The following CTSH variants were observed in gnomAD, a reference collection of about 807,000 sequenced individuals.
CTSH encodes pro-cathepsin H.
A neutral mutation model predicts 56.3 loss-of-function variants in CTSH; 52 were observed. The observed-to-expected ratio is 0.92, with a 90% CI of 0.74 to 1.16. CTSH has a LOEUF of 1.16. Among genes scored for constraint, CTSH ranks in the 50% most tolerant of loss-of-function variants. CTSH has a pLI of 0.00. For synonymous variants in CTSH, 174 were observed against 155.7 expected, an observed-to-expected ratio of 1.12 and a Z score of -0.88; for missense variants, 406 against 424.5, an observed-to-expected ratio of 0.96 and a Z score of 0.38.
At chr15:78,939,242 CT>C in intron 1 of CTSH, 71 bp from the exon 2 acceptor site, 2 of 1,271,388 alleles carry the variant, frequency 1.6e-6, no homozygotes, top group Non-Finnish European at 2.2e-6. Context: ...AAGTAGGGCA[CT>C]TTAGAACTGA....
chr15:78,933,883 C>G (rs1266052807), intron 5 of CTSH, among the ~76,000 whole-genome samples: 1 of 152,256 alleles, frequency 6.6e-6, no homozygotes, highest in East Asian at 1.9e-4. Flanking sequence ...ACATCTGCGT[C>G]AGGAAGCACC....
intron 1 of CTSH, among the ~76,000 whole-genome samples, chr15:78,941,378 C>T (rs1231610174): frequency 5.7e-5 from 7 of 123,278 alleles, no homozygotes; most frequent in South Asian, 5.5e-4. Flanking sequence ...TAGCCAAGAT[C>T]GTGCCACTGC....
intron 5 of CTSH, 107 bp from the exon 6 acceptor site, chr15:78,932,565 G>T: frequency 1.3e-6 from 1 of 795,598 alleles, no homozygotes; most frequent in South Asian, 1.6e-5. Context: ...CGAGTCCCCA[G>T]GTGCCTTGGC....
intron 1 of CTSH, among the ~76,000 whole-genome samples, chr15:78,939,750 G>T (rs1347433847): frequency 6.6e-6 from 1 of 152,206 alleles, no homozygotes; most frequent in African/African-American, 2.4e-5. Context: ...AGCTGGGTAT[G>T]GTGGTGTGTG....
At chr15:78,935,599 C>A in intron 4 of CTSH, 81 bp downstream of exon 4, 1 of 1,243,110 alleles carries the variant, frequency 8.0e-7, no homozygotes, top group Non-Finnish European at 1.2e-6. Flanking sequence ...CTGAATCTGC[C>A]TAGAAGCAGA....
chr15:78,943,640 T>C (rs1477224807), intron 1 of CTSH, among the ~76,000 whole-genome samples: 1 of 152,226 alleles, frequency 6.6e-6, no homozygotes, highest in Non-Finnish European at 1.5e-5. Flanking sequence ...AACTGAAATT[T>C]CAGTGGCCAT....
At chr15:78,938,804 T>C (rs2055229860) in intron 2 of CTSH, among the ~76,000 whole-genome samples, 1 of 150,676 alleles carries the variant, frequency 6.6e-6, no homozygotes, top group Non-Finnish European at 1.5e-5. Context: ...CATATGGTAG[T>C]TTTGTTTTGA....
chr15:78,938,672 A>G (rs1596288584), intron 2 of CTSH, among the ~76,000 whole-genome samples: 1 of 152,202 alleles, frequency 6.6e-6, no homozygotes, highest in African/African-American at 2.4e-5. Context: ...ATAGGCACTT[A>G]GGTTGATTCC....
At chr15:78,923,602 T>C (rs1329502874) in intron 10 of CTSH, among the ~76,000 whole-genome samples, 2 of 152,168 alleles carry the variant, frequency 1.3e-5, no homozygotes, top group South Asian at 2.1e-4. Flanking sequence ...TCAGTTCTTT[T>C]GGTTCTTCTG....
chr15:78,922,322 A>T, intron 11 of CTSH, 117 bp from the exon 12 acceptor site: 1 of 772,082 alleles, frequency 1.3e-6, no homozygotes, highest in Non-Finnish European at 2.2e-6. Context: ...AAATTTATTC[A>T]TAAAACAGTA....
chr15:78,939,425 G>C (rs953654858), intron 1 of CTSH, among the ~76,000 whole-genome samples: 13 of 152,178 alleles, frequency 8.5e-5, no homozygotes, highest in Admixed American at 3.3e-4. Flanking sequence ...ATGCCTACTG[G>C]GTCGGGGTGC....
At chr15:78,938,699 G>A (rs2055227293) in intron 2 of CTSH, among the ~76,000 whole-genome samples, 1 of 152,126 alleles carries the variant, frequency 6.6e-6, no homozygotes, top group African/African-American at 2.4e-5. Flanking sequence ...TGGCTATTGT[G>A]ACTAGTTCTG....
Position 78,939,023 on chromosome 15 carries a change from C to G in CTSH, c.123+117G>C, listed in dbSNP as rs2055233171. On this transcript the variant is annotated intron_variant, in intron 2 of 11. Coordinates refer to ENST00000220166, the MANE Select transcript of CTSH (RefSeq NM_004390.5). The stretch of plus-strand genomic sequence containing the variant: ...GGCCAGTTCAACTTCTGGAAAGACC[C>G]CACTAGGCAAAGTTGGAAATTCCCT... 6.6e-6 allele frequency: 6 copies of G among 908,376 alleles called. No homozygotes were observed. The East Asian group carries it at 1.5e-4, about 23-fold the overall frequency. The allele number at this position is 908,376 out of a possible 1,614,324, so 56.3% of individuals were successfully genotyped here.
At position 78,923,014 on chromosome 15, in the gene CTSH, C is replaced by T; in HGVS notation, c.911G>A (p.Gly304Asp). The change falls in exon 11 of 12, where the codon GGT (glycine) becomes GAT (aspartate). Residue 304 changes from glycine to aspartate, a missense_variant. Gly to Asp is a moderately conservative substitution (Grantham distance 94). Coordinates refer to ENST00000220166, the MANE Select transcript of CTSH (RefSeq NM_004390.5). ...IPYWIVKNSW[G>D]PQWGMNGYFL... ...TTACCCGTTCATTCCCCACTGGGGA[C>T]CCCAAGAGTTTTTCACGATCCAGTA... 6.2e-7 allele frequency: 1 copy of T among 1,612,482 alleles called. No individual in the cohort carries two copies. The highest frequency in any genetic ancestry group is 8.5e-7 in the Non-Finnish European group (1 of 1,179,444).
Position 78,923,058 on chromosome 15 carries a change from T to A in CTSH, c.867A>T (p.Gly289=). The change falls in exon 11 of 12, where the codon GGA becomes GGT. Residue 289 remains glycine (G), a synonymous_variant. Coordinates refer to ENST00000220166, the MANE Select transcript of CTSH (RefSeq NM_004390.5). ...TCCAGTAAGGGATCCCATTTTTTTC[T>A]CCATACCCAACAGCCAGTACTGCAT... is the stretch of plus-strand genomic sequence containing the variant. ...VNHAVLAVGY[G]EKNGIPYWIV... 6.2e-7 allele frequency: 1 copy of A among 1,613,482 alleles called. No individual in the cohort carries two copies. Among genetic ancestry groups the A allele is most frequent in the East Asian group, 2.2e-5 (1 of 44,826 alleles).
Position 78,922,170 on chromosome 15 carries a change from C to A in CTSH, c.968G>T (p.Gly323Val), listed in dbSNP as rs1281448625. ...GGGGTAGGAGGCGCAGGCAGCCAGG[C>A]CACACATGTTCTTTCCGCGCTCGAT... ...FLIERGKNMC[G>V]LAACASYPIP... Residue 323 changes from glycine to valine, a missense_variant, in exon 12 of 12, where the codon GGC becomes GTC. Transcript: ENST00000220166. 6.3e-7 allele frequency: 1 copy of A among 1,583,224 alleles called. No homozygotes were observed.
intron 5 of CTSH, chr15:78,933,448 C>G (rs749282806): frequency 8.7e-5 from 35 of 401,254 alleles, no homozygotes; most frequent in Non-Finnish European, 1.5e-4. Context: ...TTCAGTCTTC[C>G]AGCTTCTACT....
chr15:78,929,094 G>A (rs866464349), intron 8 of CTSH, among the ~76,000 whole-genome samples: 9 of 152,046 alleles, frequency 5.9e-5, no homozygotes, highest in African/African-American at 9.7e-5. Flanking sequence ...GATGGCGCTC[G>A]TGGCAGGAGG....
intron 11 of CTSH, among the ~76,000 whole-genome samples, chr15:78,922,768 C>G (rs898656485): frequency 6.6e-6 from 1 of 152,256 alleles, no homozygotes; most frequent in African/African-American, 2.4e-5. Context: ...GCCTCCTGCT[C>G]TCCCTGCAGC....
Sources: gnomAD v4.1 joint callset for allele counts (sites outside exome capture counted in the v4.1 genomes callset) on GRCh38, gnomAD v4.1.1 for gene constraint, MANE v1.5 for transcripts, NCBI Gene and HGNC (gene_info 2026-07-23, HGNC 2026-07-21) for gene names.